The following PCSK2 variants were observed in gnomAD, a reference collection of about 807,000 sequenced individuals.
PCSK2 encodes the protein proprotein convertase subtilisin/kexin type 2.
Under a neutral mutation model 69.7 loss-of-function variants are expected in PCSK2, and 14 were observed. That is an observed-to-expected ratio of 0.20 (90% CI 0.13 to 0.31). The LOEUF (loss-of-function observed/expected upper bound fraction) is 0.31. Among genes scored for constraint, PCSK2 ranks in the 10% least tolerant of loss-of-function variants. The pLI, the probability that PCSK2 is intolerant of heterozygous loss-of-function variation, is 1.00. For missense variants in PCSK2, 544 were observed against 842.5 expected (o/e 0.65, Z 4.39); for synonymous variants, 307 against 320.7 (o/e 0.96, Z 0.46).
intron 11 of PCSK2, among the ~76,000 whole-genome samples, chr20:17,477,532 AG>A (rs1201669949): frequency 2.6e-5 from 4 of 152,308 alleles, no homozygotes; most frequent in Non-Finnish European, 5.9e-5. Context: ...AGCAGCATAA[AG>A]AAACATGAAT....
At chr20:17,384,420 T>C (rs1415067383) in intron 5 of PCSK2, among the ~76,000 whole-genome samples, 4 of 109,016 alleles carry the variant, frequency 3.7e-5, no homozygotes, top group Admixed American at 1.0e-4. Flanking sequence ...AAGCTCCATA[T>C]CTACCAAAAA....
At chr20:17,303,287 C>T (rs1989151086) in intron 2 of PCSK2, among the ~76,000 whole-genome samples, 1 of 136,292 alleles carries the variant, frequency 7.3e-6, no homozygotes, top group Non-Finnish European at 1.5e-5. Flanking sequence ...ATGTCTATTA[C>T]ATGTATATTA....
intron 5 of PCSK2, among the ~76,000 whole-genome samples, chr20:17,392,569 CA>C (rs1291415945): frequency 6.6e-6 from 1 of 152,152 alleles, no homozygotes; most frequent in African/African-American, 2.4e-5. Flanking sequence ...CCCCATCACC[CA>C]AAAAACTTTC....
At chr20:17,260,010 T>C (rs1987316891) in intron 1 of PCSK2, among the ~76,000 whole-genome samples, 1 of 151,536 alleles carries the variant, frequency 6.6e-6, no homozygotes, top group African/African-American at 2.4e-5. Context: ...GAATAGAAGG[T>C]ATTTGGGGAG....
At chr20:17,237,673 T>C (rs1421772244) in intron 1 of PCSK2, among the ~76,000 whole-genome samples, 1 of 152,178 alleles carries the variant, frequency 6.6e-6, no homozygotes, top group African/African-American at 2.4e-5. Flanking sequence ...TCCCCAGATG[T>C]AGGCCCTGGA....
intron 10 of PCSK2, among the ~76,000 whole-genome samples, chr20:17,459,828 C>T (rs1330739709): frequency 6.6e-6 from 1 of 152,224 alleles, no homozygotes; most frequent in Non-Finnish European, 1.5e-5. Context: ...TGTCGCTGAT[C>T]TGTGAACTAG....
intron 2 of PCSK2, among the ~76,000 whole-genome samples, chr20:17,357,896 A>C (rs78937143): frequency 6.8e-6 from 1 of 147,320 alleles, no homozygotes; most frequent in Non-Finnish European, 1.5e-5. Context: ...CTCTGTCTCA[A>C]AAAAAAAAAA....
rs371596169 is a variant in PCSK2, at chr20:17,299,478, AT to A, written c.282+39138del. On this transcript the variant is annotated intron_variant, in intron 2 of 11. Coordinates refer to ENST00000262545, the MANE Select transcript of PCSK2 (RefSeq NM_002594.5). Reference sequence around the variant, plus strand: ...ATTACTTTTAACAACCATATTTTTAATTTTCCTTGCCCATTTATTCTTTCAG... The same window carrying A: ...ATTACTTTTAACAACCATATTTTTAATTTCCTTGCCCATTTATTCTTTCAG... 9.9e-5 allele frequency among the ~76,000 whole-genome samples: 15 copies of A among 151,832 alleles called. No homozygotes were observed. In the East Asian group the frequency reaches 2.9e-3, roughly 29 times the overall value.
chr20:17,294,408 C>T (rs919723540), intron 2 of PCSK2, among the ~76,000 whole-genome samples: 12 of 152,286 alleles, frequency 7.9e-5, no homozygotes, highest in Middle Eastern at 3.4e-3. Flanking sequence ...GCCCGGCCTG[C>T]AGTCCTCATT....
chr20:17,250,533 T>G (rs771766193), intron 1 of PCSK2, among the ~76,000 whole-genome samples: 3 of 152,178 alleles, frequency 2.0e-5, no homozygotes, highest in Non-Finnish European at 4.4e-5. Flanking sequence ...TTATTGTATC[T>G]CACCTATTAA....
At chr20:17,413,131 C>A (rs1038593267) in intron 6 of PCSK2, among the ~76,000 whole-genome samples, 2 of 152,142 alleles carry the variant, frequency 1.3e-5, no homozygotes, top group Non-Finnish European at 2.9e-5. Flanking sequence ...AACTAACGGG[C>A]AAAATAACCA....
intron 8 of PCSK2, among the ~76,000 whole-genome samples, chr20:17,450,290 A>C (rs2123376055): frequency 6.6e-6 from 1 of 152,012 alleles, no homozygotes; most frequent in African/African-American, 2.4e-5. Flanking sequence ...GGCCTCCCAA[A>C]GTGCTGGGAT....
At chr20:17,294,930 C>A (rs7272783) in intron 2 of PCSK2, among the ~76,000 whole-genome samples, 1,645 of 152,222 alleles carry the variant, frequency 0.011, 23 homozygotes, top group African/African-American at 0.036. Context: ...CCCTCCCTTC[C>A]TTTACTTCTT....
At position 17,481,751 on chromosome 20, in the gene PCSK2, C is replaced by G; in HGVS notation, c.1598C>G (p.Ser533Cys). 1 of 1,614,124 alleles carries G rather than the reference C, an allele frequency of 6.2e-7. No homozygotes were observed. Among genetic ancestry groups the G allele is most frequent in the Non-Finnish European group, 8.5e-7 (1 of 1,180,020 alleles). Residue 533 changes from serine to cysteine, a missense_variant, in exon 12 of 12, where the codon TCC (serine) becomes TGC (cysteine). Physicochemically the swap from Ser to Cys is moderately radical, Grantham distance 112 (BLOSUM62 -1). This residue lies in a region of PCSK2 where 200 missense variants were observed against 287.8 expected (regional missense o/e 0.69). Transcript: ENST00000262545. ...INMTSPMGTK[S>C]ILLSRRPRDD... ...ATGACTTCCCCTATGGGCACCAAGT[C>G]CATTTTGCTGAGCCGGCGTCCAAGG...
intron 5 of PCSK2, among the ~76,000 whole-genome samples, chr20:17,388,736 G>C (rs1323048609): frequency 6.6e-6 from 1 of 152,116 alleles, no homozygotes; most frequent in Non-Finnish European, 1.5e-5. Flanking sequence ...GACCCACAGA[G>C]AGCGCTGAAT....
chr20:17,260,269 T>C lies in PCSK2; in HGVS notation c.207T>C (p.Phe69=), dbSNP rs761882576. ...KLPFAEGLYH[F]YHNGLAKAKR... The stretch of plus-strand genomic sequence containing the variant: ...CCTTTGCTGAAGGTCTGTACCACTT[T>C]TATCACAATGGCCTTGCAAAGGCCA... The change falls in exon 2 of 12, where the codon TTT becomes TTC. Residue 69 remains phenylalanine (F), a synonymous_variant. Coordinates refer to ENST00000262545, the MANE Select transcript of PCSK2 (RefSeq NM_002594.5). 4 of 1,613,398 alleles carry C rather than the reference T, an allele frequency of 2.5e-6. No homozygotes were observed. The East Asian group carries it at 8.9e-5, about 36-fold the overall frequency.
At chr20:17,263,065 G>C (rs986908165) in intron 2 of PCSK2, 87 of 797,224 alleles carry the variant, frequency 1.1e-4, no homozygotes, top group Non-Finnish European at 1.2e-4. Flanking sequence ...CGCTTTCAGG[G>C]CTTCATCTAC....
chr20:17,481,608 G>T lies in PCSK2; in HGVS notation c.1455G>T (p.Leu485Phe), dbSNP rs778691708. 1.2e-6 allele frequency: 2 copies of T among 1,613,838 alleles called. No individual in the cohort carries two copies. Among genetic ancestry groups the T allele is most frequent in the Non-Finnish European group, 1.7e-6 (2 of 1,179,892 alleles). The change falls in exon 12 of 12, where the codon TTG becomes TTT. Residue 485 changes from leucine (L) to phenylalanine (F), a missense_variant. Leu to Phe is a conservative substitution (Grantham distance 22). Coordinates refer to ENST00000262545, the MANE Select transcript of PCSK2 (RefSeq NM_002594.5). ...GGAAAATACCATCCACTGGCAAGTTGGTGCTGACACTCACAACCGACGCCT... is the reference window on the plus strand; with the variant it reads ...GGAAAATACCATCCACTGGCAAGTTTGTGCTGACACTCACAACCGACGCCT... ...DPEKIPSTGK[L>F]VLTLTTDACE... is the part of the protein sequence containing the mutation.
chr20:17,284,199 AT>A (rs763947942), intron 2 of PCSK2, among the ~76,000 whole-genome samples: 14 of 152,176 alleles, frequency 9.2e-5, no homozygotes, highest in Non-Finnish European at 1.6e-4. Flanking sequence ...TTCCCACTAA[AT>A]GGAGAGATGG....
Sources: allele counts gnomAD v4.1 joint callset (sites outside exome capture counted in the v4.1 genomes callset), GRCh38; gene constraint gnomAD v4.1.1; regional missense constraint gnomAD v4.1.1; transcripts MANE v1.5; gene names NCBI Gene and HGNC (gene_info 2026-07-23, HGNC 2026-07-21).